The following GPHN variants were observed in gnomAD, a reference collection of about 807,000 sequenced individuals.
GPHN encodes gephyrin.
In GPHN, 17 loss-of-function variants were observed where a neutral mutation model predicts 95.5. The ratio of observed to expected loss-of-function variants is 0.18; its 90% CI spans 0.12 to 0.27. The LOEUF (loss-of-function observed/expected upper bound fraction) is 0.27. Ranked by LOEUF, GPHN falls within the 10% of genes least tolerant of loss-of-function variation. GPHN has a pLI of 1.00. For synonymous variants in GPHN, 320 were observed against 322.5 expected (o/e 0.99, Z 0.08); for missense variants, 660 against 978.1 (o/e 0.67, Z 4.34).
chr14:67,195,291 C>T, the GPHN span, among the ~76,000 whole-genome samples: 1 of 152,106 alleles, frequency 6.6e-6, no homozygotes, highest in Non-Finnish European at 1.5e-5. Context: ...CCTTGAATTC[C>T]TTCCTTTTCT....
At chr14:66,966,041 T>C (rs2069302877) in intron 9 of GPHN, among the ~76,000 whole-genome samples, 1 of 152,178 alleles carries the variant, frequency 6.6e-6, no homozygotes, top group African/African-American at 2.4e-5. Flanking sequence ...AAGTTAGTCA[T>C]TTGTGCTTTC....
At chr14:67,228,969 T>C in the GPHN span, among the ~76,000 whole-genome samples, 1 of 152,232 alleles carries the variant, frequency 6.6e-6, no homozygotes. Context: ...TGGTTTGACT[T>C]TTTAAAAGCC....
At chr14:66,894,537 T>C (rs543672293) in intron 5 of GPHN, among the ~76,000 whole-genome samples, 1 of 152,276 alleles carries the variant, frequency 6.6e-6, no homozygotes, top group Non-Finnish European at 1.5e-5. Flanking sequence ...AAAGAGCTTC[T>C]GCAAAGCAAA....
the GPHN span, among the ~76,000 whole-genome samples, chr14:67,496,410 T>TTTTTTG: frequency 2.2e-5 from 3 of 133,698 alleles, no homozygotes; most frequent in African/African-American, 8.2e-5. Flanking sequence ...TTTTTTTTTT[T>TTTTTTG]TTTTTTTTTT....
chr14:67,403,499 T>C, the GPHN span, among the ~76,000 whole-genome samples: 1 of 152,246 alleles, frequency 6.6e-6, no homozygotes, highest in African/African-American at 2.4e-5. Flanking sequence ...CAGCCAAATA[T>C]TCTCTGTCCT....
chr14:67,466,504 T>C, the GPHN span, among the ~76,000 whole-genome samples: 1 of 152,206 alleles, frequency 6.6e-6, no homozygotes, highest in African/African-American at 2.4e-5. Context: ...CTAAATAGAT[T>C]CCTAGCTTCA....
chr14:67,448,915 T>C, the GPHN span, among the ~76,000 whole-genome samples: 2 of 152,170 alleles, frequency 1.3e-5, no homozygotes, highest in African/African-American at 4.8e-5. Flanking sequence ...AACACAGTGA[T>C]TCTCTTCATG....
Position 67,005,659 on chromosome 14 carries a change from C to T in GPHN, c.964-17974C>T, listed in dbSNP as rs1594791165. ...CATTTTTCAGTGAGTTATTTTATGT[C>T]CATGAATAAGCGTCAATGCATTGGT... On this transcript the variant is annotated intron_variant, in intron 9 of 22. Coordinates refer to ENST00000478722, the MANE Select transcript of GPHN (RefSeq NM_020806.5). 2.0e-5 allele frequency among the ~76,000 whole-genome samples: 3 copies of T among 151,934 alleles called. No individual in the cohort carries two copies. The East Asian group carries it at 5.8e-4, about 29-fold the overall frequency.
At chr14:66,945,221 G>T (rs1350949080) in intron 8 of GPHN, among the ~76,000 whole-genome samples, 1 of 152,216 alleles carries the variant, frequency 6.6e-6, no homozygotes, top group Non-Finnish European at 1.5e-5. Context: ...AAGTGAGAGA[G>T]ATTCCTGCTA....
At chr14:67,377,077 T>A in the GPHN span, among the ~76,000 whole-genome samples, 1 of 152,242 alleles carries the variant, frequency 6.6e-6, no homozygotes, top group Non-Finnish European at 1.5e-5. Flanking sequence ...GTCATCTTAA[T>A]TCTGTATGTT....
chr14:66,996,163 C>T (rs536067932), intron 9 of GPHN: 1 of 1,526,864 alleles, frequency 6.5e-7, no homozygotes, highest in South Asian at 1.2e-5. Flanking sequence ...TTCTTTTCCC[C>T]ACTGCAAAAC....
At chr14:66,570,710 C>G (rs777930882) in intron 1 of GPHN, among the ~76,000 whole-genome samples, 2 of 152,122 alleles carry the variant, frequency 1.3e-5, no homozygotes, top group Non-Finnish European at 2.9e-5. Context: ...TCCATTGTGG[C>G]TGTACTAATT....
chr14:67,422,957 G>A, the GPHN span, among the ~76,000 whole-genome samples: 39 of 150,408 alleles, frequency 2.6e-4, no homozygotes, highest in African/African-American at 5.6e-4. Context: ...TCAGCCTCCC[G>A]AGTAGCTGGG....
At chr14:66,607,110 A>G (rs1433470846) in intron 1 of GPHN, among the ~76,000 whole-genome samples, 1 of 152,030 alleles carries the variant, frequency 6.6e-6, no homozygotes, top group African/African-American at 2.4e-5. Context: ...AAGAATGAAT[A>G]AGGTTTTTCA....
chr14:67,008,008 T>G (rs959708095), intron 9 of GPHN, among the ~76,000 whole-genome samples: 3 of 152,128 alleles, frequency 2.0e-5, no homozygotes, highest in African/African-American at 7.2e-5. Flanking sequence ...AAGCAGCAGT[T>G]TATAGAACAA....
intron 3 of GPHN, among the ~76,000 whole-genome samples, chr14:66,801,757 G>T (rs1333856360): frequency 6.7e-6 from 1 of 149,106 alleles, no homozygotes; most frequent in Non-Finnish European, 1.5e-5. Context: ...TCTTGCTCAA[G>T]TCCTGCTGTA....
chr14:66,853,708 T>C (rs2062688816), intron 4 of GPHN, among the ~76,000 whole-genome samples: 1 of 152,222 alleles, frequency 6.6e-6, no homozygotes, highest in African/African-American at 2.4e-5. Context: ...CAAGGTGAGA[T>C]TTGGGTAGGG....
rs549977251 is a variant in GPHN at position 67,181,005 on chromosome 14, C to T, written c.*68C>T. 3.0e-4 allele frequency: 449 copies of T among 1,474,374 alleles called. 7 individuals are homozygous for T. In the South Asian group the frequency reaches 4.1e-3, roughly 13 times the overall value. The allele number at this position is 1,474,374 out of a possible 1,614,324, so 91.3% of individuals were successfully genotyped here. A position where few individuals can be genotyped will look rare whatever the true frequency, so the allele number is the denominator to read the frequency against. ...ATTGACTGTATCCTGTAATATGCAA[C>T]GGCACAGCTAGTTTTCCCGATTTGG... On this transcript the variant is annotated 3_prime_UTR_variant, in exon 23 of 23. Transcript: ENST00000478722.
chr14:67,473,689 T>C, the GPHN span: 1 of 1,588,302 alleles, frequency 6.3e-7, no homozygotes. This position sits in a 1 kb window ranked among gnomAD's most constrained non-coding sequence, Gnocchi z 6.5. Context: ...AGCGTGTAGA[T>C]GAGGCAGCGC....
Sources: allele counts gnomAD v4.1 joint callset (sites outside exome capture counted in the v4.1 genomes callset), GRCh38; gene constraint gnomAD v4.1.1; non-coding constraint Gnocchi (gnomAD v3.1); transcripts MANE v1.5; gene names NCBI Gene and HGNC (gene_info 2026-07-23, HGNC 2026-07-21).